Variants in FMN2 observed in about 807,000 individuals in gnomAD.
FMN2 encodes the protein formin 2.
FMN2 carries 51 observed loss-of-function variants against 142.3 expected under a neutral mutation model. That is an observed-to-expected ratio of 0.36 (90% CI 0.29 to 0.45). The LOEUF (loss-of-function observed/expected upper bound fraction) is 0.45. Among genes scored for constraint, FMN2 ranks in the 20% least tolerant of loss-of-function variants. FMN2 has a pLI of 1.00. For missense variants in FMN2, 1,936 were observed against 2,122.8 expected (o/e 0.91, Z 1.73); for synonymous variants, 882 against 869.8 (o/e 1.01, Z -0.25).
chr1:240,097,025 A>T (rs185104710), intron 1 of FMN2, among the ~76,000 whole-genome samples: 14 of 152,308 alleles, frequency 9.2e-5, no homozygotes, highest in African/African-American at 3.4e-4. Flanking sequence ...GTATAACAGA[A>T]GCTTGGTACT....
At chr1:240,471,500 G>C (rs567414014) in intron 16 of FMN2, among the ~76,000 whole-genome samples, 1 of 151,630 alleles carries the variant, frequency 6.6e-6, no homozygotes, top group South Asian at 2.1e-4. Context: ...CTCAACCTCC[G>C]AGTACCTGAG....
At chr1:240,226,743 G>A (rs1315125329) in intron 6 of FMN2, among the ~76,000 whole-genome samples, 1 of 151,736 alleles carries the variant, frequency 6.6e-6, no homozygotes, top group Non-Finnish European at 1.5e-5. Flanking sequence ...AAAGAAAAAA[G>A]ACAAAAGTCC....
intron 2 of FMN2, chr1:240,142,980 T>C (rs932064294): frequency 1.3e-6 from 2 of 1,581,250 alleles, no homozygotes; most frequent in African/African-American, 2.7e-5. Flanking sequence ...GTTTCGAACA[T>C]CCAGGAAAGA....
Position 240,159,974 on chromosome 1 carries a change from T to TACACACACACACACAC in FMN2, c.1783-17937_1783-17922dup, listed in dbSNP as rs1185408892. ...ATCTATATCTGTGTATATATATATA[T>TACACACACACACACAC]ACACACACACACACACACACACACA... On this transcript the variant is annotated intron_variant, in intron 2 of 17. Coordinates refer to ENST00000319653, the MANE Select transcript of FMN2 (RefSeq NM_020066.5). Among the ~76,000 whole-genome samples the TACACACACACACACAC allele has an allele frequency of 2.1e-4, 28 of 134,084 alleles. 1 individual carries two copies. The highest frequency in any genetic ancestry group is 7.9e-4 in the African/African-American group (28 of 35,444). The allele number at this position is 134,084 out of a possible 152,430, so 88.0% of individuals were successfully genotyped here.
chr1:240,113,281 T>A (rs1661885237), intron 1 of FMN2, among the ~76,000 whole-genome samples: 1 of 151,972 alleles, frequency 6.6e-6, no homozygotes, highest in African/African-American at 2.4e-5. Context: ...AGTAAGATTG[T>A]GGCCGGGCAC....
At chr1:240,125,712 ATTTC>A (rs1160420369) in intron 2 of FMN2, among the ~76,000 whole-genome samples, 5 of 152,128 alleles carry the variant, frequency 3.3e-5, no homozygotes, top group Admixed American at 2.0e-4. Flanking sequence ...GGGTAATCCT[ATTTC>A]TTTCTCTCTC....
intron 15 of FMN2, among the ~76,000 whole-genome samples, chr1:240,395,546 T>C (rs761267346): frequency 2.0e-5 from 3 of 152,136 alleles, no homozygotes; most frequent in Non-Finnish European, 4.4e-5. Flanking sequence ...CAGGTCAAAA[T>C]ATCAGCGTTA....
intron 7 of FMN2, among the ~76,000 whole-genome samples, chr1:240,281,093 A>G (rs532998263): frequency 6.6e-6 from 1 of 152,262 alleles, no homozygotes; most frequent in South Asian, 2.1e-4. Context: ...TCTTATAAAC[A>G]AGGCCCATAG....
chr1:240,168,163 T>C (rs1664556990), intron 2 of FMN2, among the ~76,000 whole-genome samples: 4 of 152,242 alleles, frequency 2.6e-5, no homozygotes. Context: ...AGGGTTGTGC[T>C]ATTATTTTTT....
intron 14 of FMN2, among the ~76,000 whole-genome samples, chr1:240,369,814 G>T (rs1672804742): frequency 6.6e-6 from 1 of 152,054 alleles, no homozygotes; most frequent in South Asian, 2.1e-4. Flanking sequence ...CTAATCATCA[G>T]GAGGCACTAC....
chr1:240,316,841 T>C (rs1465581621), intron 8 of FMN2, among the ~76,000 whole-genome samples: 1 of 152,174 alleles, frequency 6.6e-6, no homozygotes, highest in Non-Finnish European at 1.5e-5. Flanking sequence ...TATAAAACTA[T>C]AGTATAACAT....
At chr1:240,188,881 T>C (rs138783387) in intron 4 of FMN2, among the ~76,000 whole-genome samples, 50 of 152,218 alleles carry the variant, frequency 3.3e-4, no homozygotes, top group African/African-American at 1.1e-3. Context: ...TCACATCTTA[T>C]GTGGATGGCA....
At chr1:240,180,895 AAG>A (rs781366928) in intron 3 of FMN2, among the ~76,000 whole-genome samples, 2 of 151,278 alleles carry the variant, frequency 1.3e-5, no homozygotes, top group Non-Finnish European at 2.9e-5. Context: ...TTCAAAGTGA[AAG>A]AGTTCAGTGA....
intron 8 of FMN2, among the ~76,000 whole-genome samples, chr1:240,310,461 A>G (rs1400720081): frequency 6.6e-6 from 1 of 152,206 alleles, no homozygotes; most frequent in East Asian, 1.9e-4. Flanking sequence ...CTCCAAATCT[A>G]AACACACCCT....
At chr1:240,302,732 C>T (rs542563621) in intron 8 of FMN2, among the ~76,000 whole-genome samples, 1 of 152,032 alleles carries the variant, frequency 6.6e-6, no homozygotes, top group Admixed American at 6.5e-5. Flanking sequence ...AGTTTTCCAA[C>T]CATCAGACAC....
At chr1:240,260,103 T>TA (rs945276516) in intron 7 of FMN2, among the ~76,000 whole-genome samples, 2 of 152,204 alleles carry the variant, frequency 1.3e-5, no homozygotes, top group African/African-American at 4.8e-5. Flanking sequence ...TATAGCTGAG[T>TA]ATTATTTCAT....
intron 15 of FMN2, among the ~76,000 whole-genome samples, chr1:240,431,424 A>G (rs1675171026): frequency 6.9e-6 from 1 of 144,320 alleles, no homozygotes; most frequent in African/African-American, 2.6e-5. Flanking sequence ...ATATATATAT[A>G]CATATATATA....
intron 14 of FMN2, among the ~76,000 whole-genome samples, chr1:240,389,370 T>C (rs1017286895): frequency 6.6e-6 from 1 of 152,226 alleles, no homozygotes; most frequent in Non-Finnish European, 1.5e-5. Context: ...TTATTTTCTG[T>C]GTTACCTTCA....
chr1:240,144,821 A>C lies in FMN2; in HGVS notation c.1782+21476A>C, dbSNP rs1174905278. The stretch of plus-strand genomic sequence containing the variant: ...GGGGACGATTTCCTTCACCAGAGTG[A>C]GCAGTGGCTCCTGCTGGACCTTCTT... On this transcript the variant is annotated intron_variant, in intron 2 of 17. Transcript: ENST00000319653. 2.8e-6 allele frequency: 4 copies of C among 1,437,814 alleles called. No individual in the cohort carries two copies. The Admixed American group carries it at 6.7e-5, about 24-fold the overall frequency. 89.1% of individuals were successfully genotyped at this position (1,437,814 alleles called of 1,614,324 possible).
Sources: gnomAD v4.1 joint callset for allele counts (sites outside exome capture counted in the v4.1 genomes callset) on GRCh38, gnomAD v4.1.1 for gene constraint, MANE v1.5 for transcripts, NCBI Gene and HGNC (gene_info 2026-07-23, HGNC 2026-07-21) for gene names.